Variants in TAF1B observed in about 807,000 individuals in gnomAD.
The protein encoded by TAF1B is TATA-box binding protein associated factor, RNA polymerase I subunit B.
Under a neutral mutation model 83.9 loss-of-function variants are expected in TAF1B, and 61 were observed. That is an observed-to-expected ratio of 0.73 (90% CI 0.59 to 0.90). The LOEUF is 0.90. Ranked by LOEUF, TAF1B falls within the 40% of genes least tolerant of loss-of-function variation. TAF1B has a pLI of 0.00. For synonymous variants in TAF1B, 221 were observed against 224.6 expected (o/e 0.98, Z 0.14); for missense variants, 625 against 677.0 (o/e 0.92, Z 0.85).
intron 6 of TAF1B, among the ~76,000 whole-genome samples, chr2:9,869,613 C>T (rs1036599257): frequency 3.3e-5 from 5 of 151,812 alleles, no homozygotes; most frequent in Non-Finnish European, 5.9e-5. Context: ...TAGTGGCTCA[C>T]ACCTGTAATC....
intron 7 of TAF1B, among the ~76,000 whole-genome samples, chr2:9,882,240 A>G (rs932861791): frequency 6.6e-6 from 1 of 152,096 alleles, no homozygotes; most frequent in African/African-American, 2.4e-5. Context: ...AACTGGGACT[A>G]CAGGCCAAGC....
chr2:9,904,076 T>C (rs417271), intron 8 of TAF1B, among the ~76,000 whole-genome samples: 70,372 of 151,916 alleles, frequency 0.46, 18,890 homozygotes, highest in Non-Finnish European at 0.61. Context: ...TCCAAATACT[T>C]TGGCTTGGAA....
chr2:9,845,285 ATAT>A lies in TAF1B; in HGVS notation c.89_91del (p.Tyr30del). 5 of 1,613,858 alleles carry A rather than the reference ATAT, an allele frequency of 3.1e-6. No individual in the cohort carries two copies. Among genetic ancestry groups the A allele is most frequent in the Non-Finnish European group, 4.2e-6 (5 of 1,179,822 alleles). ...CATGGGGTCTTACTGATGAAGGCAA[ATAT>A]TATTGCACTTCTTGCCACAATGTTA... is the stretch of plus-strand genomic sequence containing the variant. On this transcript the variant is annotated inframe_deletion, in exon 2 of 15. Coordinates refer to ENST00000263663, the MANE Select transcript of TAF1B (RefSeq NM_005680.3).
chr2:9,846,544 C>A (rs938574247), intron 2 of TAF1B, among the ~76,000 whole-genome samples: 3 of 152,184 alleles, frequency 2.0e-5, no homozygotes, highest in African/African-American at 7.2e-5. Flanking sequence ...GATGGACTAA[C>A]AGAGACCAGA....
At chr2:9,931,532 G>T (rs1221902814) in intron 14 of TAF1B, among the ~76,000 whole-genome samples, 1 of 152,188 alleles carries the variant, frequency 6.6e-6, no homozygotes, top group East Asian at 1.9e-4. Context: ...TCTGCCGAGA[G>T]ATCAGCTGTT....
In TAF1B at chr2:9,926,658, G is replaced by A. The variant is rs1010603540; in HGVS notation, c.1565+6838G>A. On this transcript the variant is annotated intron_variant, in intron 14 of 14. Transcript: ENST00000263663. ...GTTCGAGACCAGACTGGCCAACATG[G>A]TGAAACCCCATCTCTACTAAAAATA... 2.6e-5 allele frequency among the ~76,000 whole-genome samples: 4 copies of A among 152,076 alleles called. 1 individual carries two copies. Among genetic ancestry groups the A allele is most frequent in the African/African-American group, 9.7e-5 (4 of 41,418 alleles).
intron 8 of TAF1B, among the ~76,000 whole-genome samples, chr2:9,887,749 G>C (rs1664724862): frequency 6.6e-6 from 1 of 151,914 alleles, no homozygotes; most frequent in Non-Finnish European, 1.5e-5. Context: ...GTATAGTTGG[G>C]TTTGAATCTA....
rs370081071 is a variant in TAF1B, at chr2:9,932,884, C to T, written c.1566-899C>T. Among the ~76,000 whole-genome samples, 11 of 152,312 alleles carry T rather than the reference C, an allele frequency of 7.2e-5. No homozygotes were observed. In the East Asian group the frequency reaches 9.6e-4, roughly 13 times the overall value. ...CTACTCAAGCCTCAGCAATGGTGGA[C>T]GCCCCTCCGCCTGCCAGGCTGCTGC... On this transcript the variant is annotated intron_variant, in intron 14 of 14. Coordinates refer to ENST00000263663, the MANE Select transcript of TAF1B (RefSeq NM_005680.3).
At position 9,919,723 on chromosome 2, in the gene TAF1B, C is replaced by T; in HGVS notation, c.1468C>T (p.His490Tyr). The change falls in exon 14 of 15, where the codon CAT (histidine) becomes TAT (tyrosine). Residue 490 changes from histidine (H) to tyrosine (Y), a missense_variant. His to Tyr is a moderately conservative substitution (Grantham distance 83, BLOSUM62 2). Coordinates refer to ENST00000263663, the MANE Select transcript of TAF1B (RefSeq NM_005680.3). ...AGAGGACACTGATAGAACGTGTTTCCATGGACACAGCCTTCAGGGAGTCCT... is the reference window on the plus strand; with the variant it reads ...AGAGGACACTGATAGAACGTGTTTCTATGGACACAGCCTTCAGGGAGTCCT... ...TEEDTDRTCFHGHSLQGVLKE... is the reference protein window; with the variant it reads ...TEEDTDRTCFYGHSLQGVLKE... 2 of 1,614,176 alleles carry T rather than the reference C, an allele frequency of 1.2e-6. No homozygotes were observed. Among genetic ancestry groups the T allele is most frequent in the South Asian group, 2.2e-5 (2 of 91,082 alleles).
Position 9,933,926 on chromosome 2 carries a change from A to C in TAF1B, c.1709A>C (p.Glu570Ala). 6.2e-7 allele frequency: 1 copy of C among 1,613,620 alleles called. No individual in the cohort carries two copies. Among genetic ancestry groups the C allele is most frequent in the Non-Finnish European group, 8.5e-7 (1 of 1,179,810 alleles). Residue 570 changes from glutamate to alanine, a missense_variant, in exon 15 of 15, where the codon GAG becomes GCG. Transcript: ENST00000263663. ...EVSLVEKKLF[E>A]KKYSVKRKKS... ...AGCTTAGTTGAGAAGAAACTTTTTG[A>C]GAAAAAATACAGTGTAAAAAGAAAG... is the stretch of plus-strand genomic sequence containing the variant.
At chr2:9,868,781 A>G (rs1419897598) in intron 6 of TAF1B, 2 of 460,232 alleles carry the variant, frequency 4.3e-6, no homozygotes, top group Non-Finnish European at 8.8e-6. Context: ...GTAGCCATAT[A>G]GTAAAATAGA....
intron 8 of TAF1B, among the ~76,000 whole-genome samples, chr2:9,890,321 C>G (rs1664830839): frequency 6.6e-6 from 1 of 152,120 alleles, no homozygotes; most frequent in Non-Finnish European, 1.5e-5. Context: ...AGCTCAGTTC[C>G]CATGGTTGGT....
At chr2:9,862,465 T>G (rs1055809019) in intron 5 of TAF1B, among the ~76,000 whole-genome samples, 6 of 152,198 alleles carry the variant, frequency 3.9e-5, no homozygotes, top group Non-Finnish European at 7.3e-5. Flanking sequence ...AATCTACGTC[T>G]TATTGGTGTA....
intron 6 of TAF1B, among the ~76,000 whole-genome samples, chr2:9,870,220 A>G (rs1030484974): frequency 2.6e-5 from 4 of 152,180 alleles, no homozygotes; most frequent in Non-Finnish European, 2.9e-5. Context: ...ACGGCAGTGG[A>G]CTACACCTAT....
Position 9,914,133 on chromosome 2 carries a change from C to G in TAF1B, c.1271+884C>G, listed in dbSNP as rs768817811. Among the ~76,000 whole-genome samples, 1 of 152,038 alleles carries G rather than the reference C, an allele frequency of 6.6e-6. No homozygotes were observed. Among genetic ancestry groups the G allele is most frequent in the South Asian group, 2.1e-4 (1 of 4,818 alleles). On this transcript the variant is annotated intron_variant, in intron 12 of 14. Coordinates refer to ENST00000263663, the MANE Select transcript of TAF1B (RefSeq NM_005680.3). This position sits in a 1 kb window ranked among gnomAD's most constrained non-coding sequence, Gnocchi z 4.3. ...TGAGAGTAGAACTAGATTATTTTTC[C>G]TCTAAATTTCAGAGGGCTTTTAAAT...
intron 14 of TAF1B, among the ~76,000 whole-genome samples, chr2:9,929,941 C>T (rs1049312775): frequency 1.3e-5 from 2 of 152,188 alleles, no homozygotes; most frequent in African/African-American, 4.8e-5. Flanking sequence ...GGAATTTATT[C>T]ATTTTTTCTA....
intron 7 of TAF1B, among the ~76,000 whole-genome samples, chr2:9,878,222 T>C (rs967218696): frequency 6.7e-5 from 10 of 150,358 alleles, no homozygotes; most frequent in Admixed American, 3.3e-4. Flanking sequence ...TCTTCTTCTT[T>C]TTTTTTTTTT....
chr2:9,928,296 G>C (rs1288424616), intron 14 of TAF1B, among the ~76,000 whole-genome samples: 2 of 152,170 alleles, frequency 1.3e-5, no homozygotes, highest in Non-Finnish European at 2.9e-5. Context: ...GTCAGGTAGT[G>C]TAATGCCTCC....
chr2:9,933,856 T>C lies in TAF1B; in HGVS notation c.1639T>C (p.Ser547Pro). The C allele has an allele frequency of 6.2e-7, 1 of 1,613,904 alleles. No homozygotes were observed. The highest frequency in any genetic ancestry group is 8.5e-7 in the Non-Finnish European group (1 of 1,179,840). Residue 547 changes from serine to proline, a missense_variant, in exon 15 of 15, where the codon TCC (serine) becomes CCC (proline). By Grantham distance (74) the Ser-to-Pro change is moderately conservative. Transcript: ENST00000263663. ...LSYQFILNLF[S>P]FLLRIKTSLL... ...TTATCAGTTTATACTAAATCTCTTC[T>C]CCTTCCTGCTCAGAATAAAGACTTC...
Sources: allele counts gnomAD v4.1 joint callset (sites outside exome capture counted in the v4.1 genomes callset), GRCh38; gene constraint gnomAD v4.1.1; non-coding constraint Gnocchi (gnomAD v3.1); transcripts MANE v1.5; gene names NCBI Gene and HGNC (gene_info 2026-07-23, HGNC 2026-07-21).